Variants in ITGAV observed in about 807,000 individuals in gnomAD.
The protein encoded by ITGAV is integrin alpha-V.
In ITGAV, 76 loss-of-function variants were observed where a neutral mutation model predicts 143.8. That is an observed-to-expected ratio of 0.53 (90% CI 0.44 to 0.64). The LOEUF is 0.64. Among genes scored for constraint, ITGAV ranks in the 30% least tolerant of loss-of-function variants. The pLI is 0.00. For synonymous variants in ITGAV, 453 were observed against 446.7 expected (o/e 1.01, Z -0.18); for missense variants, 1,193 against 1,274.7 (o/e 0.94, Z 0.98).
intron 4 of ITGAV, among the ~76,000 whole-genome samples, chr2:186,627,793 C>T (rs1687713691): frequency 6.6e-6 from 1 of 151,998 alleles, no homozygotes; most frequent in Non-Finnish European, 1.5e-5. Context: ...GTTTGCTGAA[C>T]CCTAATCTAA....
intron 1 of ITGAV, 149 bp from the exon 2 acceptor site, chr2:186,601,872 A>G (rs1236619441): frequency 2.9e-6 from 2 of 686,792 alleles, no homozygotes; most frequent in Non-Finnish European, 4.6e-6. Flanking sequence ...TACCAAATGA[A>G]TAATGAAGAT....
At chr2:186,629,619 T>C (rs965196185) in intron 4 of ITGAV, among the ~76,000 whole-genome samples, 6 of 152,034 alleles carry the variant, frequency 3.9e-5, no homozygotes, top group African/African-American at 1.4e-4. Flanking sequence ...TGTGTAATCT[T>C]TGGGCAGTTT....
chr2:186,644,324 T>C (rs1304176350), intron 12 of ITGAV, among the ~76,000 whole-genome samples: 1 of 151,660 alleles, frequency 6.6e-6, no homozygotes, highest in Admixed American at 6.6e-5. Context: ...GTTTGTTTTG[T>C]TTTGTTTTTT....
chr2:186,622,861 C>G (rs571134855), intron 3 of ITGAV, among the ~76,000 whole-genome samples: 1 of 152,202 alleles, frequency 6.6e-6, no homozygotes, highest in East Asian at 1.9e-4. Context: ...CTCCCAGGGT[C>G]AAGCAATTCT....
chr2:186,671,496 G>A (rs2105750369), intron 26 of ITGAV, among the ~76,000 whole-genome samples: 1 of 151,988 alleles, frequency 6.6e-6, no homozygotes, highest in East Asian at 1.9e-4. Flanking sequence ...GTCCTTAAAA[G>A]TAAAATTATG....
In ITGAV at chr2:186,646,791, A is replaced by T; in HGVS notation, c.1265A>T (p.Glu422Val). Reference sequence around the variant, plus strand: ...AACGCAGTCCCATCTCAAATCCTTGAAGGGCAGTGGGCTGCTCGAAGCATG... The same window carrying T: ...AACGCAGTCCCATCTCAAATCCTTGTAGGGCAGTGGGCTGCTCGAAGCATG... ...GLNAVPSQIL[E>V]GQWAARSMPP... Residue 422 changes from glutamate to valine, a missense_variant, in exon 13 of 30, where the codon GAA (glutamate) becomes GTA (valine). By Grantham distance (121) the Glu-to-Val change is moderately radical. Transcript: ENST00000261023. 1.2e-6 allele frequency: 2 copies of T among 1,613,462 alleles called. No individual in the cohort carries two copies. The highest frequency in any genetic ancestry group is 1.7e-6 in the Non-Finnish European group (2 of 1,179,566).
intron 5 of ITGAV, among the ~76,000 whole-genome samples, chr2:186,632,913 A>G (rs979175109): frequency 7.2e-5 from 11 of 152,080 alleles, no homozygotes; most frequent in Admixed American, 3.3e-4. Flanking sequence ...TTTAGAAAAG[A>G]TACAGTGAAA....
At chr2:186,665,551 C>A (rs1688872926) in intron 21 of ITGAV, among the ~76,000 whole-genome samples, 1 of 152,132 alleles carries the variant, frequency 6.6e-6, no homozygotes, top group Non-Finnish European at 1.5e-5. Flanking sequence ...GCTACTCTGG[C>A]AACTACCAAG....
chr2:186,615,682 T>G (rs1259896366), intron 2 of ITGAV, among the ~76,000 whole-genome samples: 7 of 151,746 alleles, frequency 4.6e-5, no homozygotes, highest in Non-Finnish European at 7.4e-5. Flanking sequence ...AGTTTTTCGT[T>G]TTTTTTTTCA....
intron 1 of ITGAV, among the ~76,000 whole-genome samples, chr2:186,599,045 A>C (rs990087821): frequency 1.6e-4 from 25 of 152,200 alleles, no homozygotes; most frequent in African/African-American, 5.8e-4. Flanking sequence ...GTTCAAGTGA[A>C]TGCATTCCAT....
intron 2 of ITGAV, among the ~76,000 whole-genome samples, chr2:186,620,547 G>A (rs561728156): frequency 1.1e-4 from 16 of 152,104 alleles, no homozygotes; most frequent in African/African-American, 3.9e-4. Context: ...TTGATCCCTT[G>A]AGCTCAGGAG....
intron 1 of ITGAV, among the ~76,000 whole-genome samples, chr2:186,593,973 G>T (rs921943156): frequency 6.6e-6 from 1 of 152,144 alleles, no homozygotes; most frequent in Non-Finnish European, 1.5e-5. Context: ...TATAATGAAT[G>T]ACACTGGATT....
chr2:186,673,743 T>C (rs1210573835), intron 26 of ITGAV, among the ~76,000 whole-genome samples: 1 of 151,982 alleles, frequency 6.6e-6, no homozygotes, highest in Non-Finnish European at 1.5e-5. Flanking sequence ...TCTCGACTCA[T>C]TGCAACCTCC....
intron 4 of ITGAV, among the ~76,000 whole-genome samples, chr2:186,627,923 A>G (rs181462358): frequency 1.1e-3 from 174 of 152,302 alleles, no homozygotes; most frequent in African/African-American, 3.9e-3. Flanking sequence ...ATTATTGTAC[A>G]TGCTTTTTGA....
At chr2:186,664,344 T>TAA in intron 19 of ITGAV, 150 bp from the exon 20 acceptor site, 1 of 704,914 alleles carries the variant, frequency 1.4e-6, no homozygotes, top group Non-Finnish European at 2.3e-6. Context: ...TATTTTCTGT[T>TAA]TTCTATCAAG....
intron 2 of ITGAV, among the ~76,000 whole-genome samples, chr2:186,612,369 A>ATT (rs546219169): frequency 3.6e-4 from 53 of 146,490 alleles, no homozygotes; most frequent in African/African-American, 8.8e-4. Flanking sequence ...TACCTGTTTA[A>ATT]TTTTTTTTTT....
At chr2:186,622,224 G>A in intron 2 of ITGAV, 115 bp from the exon 3 acceptor site, 1 of 683,876 alleles carries the variant, frequency 1.5e-6, no homozygotes, top group East Asian at 2.8e-5. Flanking sequence ...ATAACCAGTG[G>A]AATATTTGAT....
intron 14 of ITGAV, 91 bp from the exon 15 acceptor site, chr2:186,651,891 A>G: frequency 1.5e-6 from 1 of 680,852 alleles, no homozygotes; most frequent in Non-Finnish European, 2.6e-6. Flanking sequence ...ACATGGTACT[A>G]TATATGTAGT....
At chr2:186,659,310 T>A in intron 18 of ITGAV, 135 bp downstream of exon 18, 1 of 636,044 alleles carries the variant, frequency 1.6e-6, no homozygotes, top group African/African-American at 1.9e-5. Flanking sequence ...GGAATCTGAA[T>A]TTTCTATTTT....
Sources: gnomAD v4.1 joint callset for allele counts (sites outside exome capture counted in the v4.1 genomes callset) on GRCh38, gnomAD v4.1.1 for gene constraint, MANE v1.5 for transcripts, NCBI Gene and HGNC (gene_info 2026-07-23, HGNC 2026-07-21) for gene names.